LGSN: variants seen among roughly 807,000 people sequenced by gnomAD.
LGSN encodes lengsin.
Under a neutral mutation model 19.5 loss-of-function variants are expected in LGSN, and 21 were observed. That is an observed-to-expected ratio of 1.07 (90% CI 0.76 to 1.55). The LOEUF (loss-of-function observed/expected upper bound fraction) is 1.55, where lower values mean the gene tolerates loss of function less well. LGSN is among the 40% of genes most tolerant of loss of function. LGSN has a pLI of 0.00. For missense variants in LGSN, 673 were observed against 608.5 expected, an observed-to-expected ratio of 1.11 and a Z score of -1.12; for synonymous variants, 257 against 215.6, an observed-to-expected ratio of 1.19 and a Z score of -1.68.
chr6:63,522,130 G>C, the LGSN span, among the ~76,000 whole-genome samples: 1 of 152,198 alleles, frequency 6.6e-6, no homozygotes, highest in Non-Finnish European at 1.5e-5. Context: ...TTGTCTTCCA[G>C]ATTAGGCTCT....
At chr6:63,283,142 AAC>A (rs1358313053) in intron 3 of LGSN, among the ~76,000 whole-genome samples, 3 of 152,038 alleles carry the variant, frequency 2.0e-5, no homozygotes, top group Non-Finnish European at 4.4e-5. Flanking sequence ...TATTTTTTTG[AAC>A]ACTCTTTTCT....
the LGSN span, among the ~76,000 whole-genome samples, chr6:63,555,031 C>T: frequency 6.6e-6 from 1 of 152,132 alleles, no homozygotes; most frequent in Admixed American, 6.5e-5. Flanking sequence ...CAGAACACAG[C>T]CAAGCAAAGC....
the LGSN span, among the ~76,000 whole-genome samples, chr6:63,382,582 A>G: frequency 6.6e-6 from 1 of 152,192 alleles, no homozygotes; most frequent in Non-Finnish European, 1.5e-5. Flanking sequence ...CAATCATTTG[A>G]CCATTGAGAG....
chr6:63,518,067 G>A, the LGSN span, among the ~76,000 whole-genome samples: 1 of 150,270 alleles, frequency 6.7e-6, no homozygotes, highest in Non-Finnish European at 1.5e-5. Context: ...CAAGAGAATT[G>A]CTTAAACCCG....
At chr6:63,515,058 A>G in the LGSN span, among the ~76,000 whole-genome samples, 2 of 152,138 alleles carry the variant, frequency 1.3e-5, no homozygotes, top group African/African-American at 2.4e-5. Flanking sequence ...GCTGGAGTAC[A>G]GTGGCATGAT....
At chr6:63,502,226 T>A in the LGSN span, among the ~76,000 whole-genome samples, 1 of 152,198 alleles carries the variant, frequency 6.6e-6, no homozygotes, top group Non-Finnish European at 1.5e-5. Context: ...TTCAGAACCT[T>A]TTCTCCTTAG....
chr6:63,396,684 T>A, the LGSN span: 4 of 153,206 alleles, frequency 2.6e-5, no homozygotes, highest in African/African-American at 9.7e-5. Context: ...GAGGGGCTGG[T>A]TCTGCAAAGG....
chr6:63,396,206 G>T, the LGSN span: 1 of 157,350 alleles, frequency 6.4e-6, no homozygotes, highest in Admixed American at 6.5e-5. Context: ...CTGGCCTTTA[G>T]ATGGCAAAGG....
At chr6:63,564,982 T>C in the LGSN span, among the ~76,000 whole-genome samples, 1 of 152,244 alleles carries the variant, frequency 6.6e-6, no homozygotes, top group South Asian at 2.1e-4. Flanking sequence ...AAAAGTATTC[T>C]CTTACTAATC....
chr6:63,497,904 G>T, the LGSN span, among the ~76,000 whole-genome samples: 1 of 135,752 alleles, frequency 7.4e-6, no homozygotes. Context: ...CAGTTCTATA[G>T]ATTTGTCATG....
At chr6:63,333,378 T>C in the LGSN span, among the ~76,000 whole-genome samples, 1 of 149,778 alleles carries the variant, frequency 6.7e-6, no homozygotes. Flanking sequence ...TCTCCCTAAG[T>C]TATTCTACAA....
the LGSN span, among the ~76,000 whole-genome samples, chr6:63,533,509 T>G: frequency 6.6e-6 from 1 of 152,228 alleles, no homozygotes; most frequent in Admixed American, 6.5e-5. Flanking sequence ...TGGTTGGAGA[T>G]TCACAGTGAG....
chr6:63,431,712 A>G, the LGSN span, among the ~76,000 whole-genome samples: 1 of 152,168 alleles, frequency 6.6e-6, no homozygotes, highest in African/African-American at 2.4e-5. Flanking sequence ...ATTCCTGATT[A>G]TTATGACTGT....
the LGSN span, among the ~76,000 whole-genome samples, chr6:63,514,269 T>G: frequency 6.6e-6 from 1 of 152,172 alleles, no homozygotes; most frequent in Admixed American, 6.6e-5. Flanking sequence ...ACTTTGTCAC[T>G]CAGGCTGGAA....
the LGSN span, among the ~76,000 whole-genome samples, chr6:63,465,268 C>T: frequency 2.6e-5 from 4 of 152,074 alleles, no homozygotes; most frequent in African/African-American, 7.2e-5. Flanking sequence ...GCAACCTCCA[C>T]CTCCCGGGTT....
At chr6:63,479,628 T>C in the LGSN span, among the ~76,000 whole-genome samples, 1 of 152,104 alleles carries the variant, frequency 6.6e-6, no homozygotes, top group Non-Finnish European at 1.5e-5. Flanking sequence ...TAGTCCCAAC[T>C]ACTCAGGAGG....
the LGSN span, among the ~76,000 whole-genome samples, chr6:63,438,513 A>G: frequency 6.6e-6 from 1 of 152,136 alleles, no homozygotes; most frequent in African/African-American, 2.4e-5. Context: ...TACAAGAAAA[A>G]AACAAACAAC....
chr6:63,530,335 A>G, the LGSN span, among the ~76,000 whole-genome samples: 1 of 152,200 alleles, frequency 6.6e-6, no homozygotes, highest in Non-Finnish European at 1.5e-5. Flanking sequence ...CCTGAGAAAA[A>G]GCACAAAGGC....
At chr6:63,283,113 C>G (rs776012545) in intron 3 of LGSN, among the ~76,000 whole-genome samples, 1 of 152,010 alleles carries the variant, frequency 6.6e-6, no homozygotes, top group African/African-American at 2.4e-5. Context: ...ACACTTTATT[C>G]TTTTGATTAT....
Sources: gnomAD v4.1 joint callset for allele counts (sites outside exome capture counted in the v4.1 genomes callset) on GRCh38, gnomAD v4.1.1 for gene constraint, MANE v1.5 for transcripts, NCBI Gene and HGNC (gene_info 2026-07-23, HGNC 2026-07-21) for gene names.